Variants in HK1 observed in about 807,000 individuals in gnomAD.
The protein encoded by HK1 is hexokinase 1, also known as hexokinase-1.
HK1 carries 28 observed loss-of-function variants against 91.6 expected under a neutral mutation model. The observed-to-expected ratio is 0.31, with a 90% CI of 0.23 to 0.42. The LOEUF (loss-of-function observed/expected upper bound fraction) is 0.42. HK1 is among the 10% of genes least tolerant of loss of function. The pLI is 1.00. For synonymous variants in HK1, 430 were observed against 468.1 expected (o/e 0.92, Z 1.05); for missense variants, 770 against 1,219.8 (o/e 0.63, Z 5.49).
At chr10:69,279,080 G>A (rs1844606625) in intron 1 of HK1, among the ~76,000 whole-genome samples, 1 of 152,160 alleles carries the variant, frequency 6.6e-6, no homozygotes, top group African/African-American at 2.4e-5. Flanking sequence ...TGTTTTCGTC[G>A]ATGCTATATT....
intron 1 of HK1, among the ~76,000 whole-genome samples, chr10:69,337,272 A>T (rs1198691275): frequency 6.6e-6 from 1 of 152,196 alleles, no homozygotes; most frequent in African/African-American, 2.4e-5. Context: ...GAGCCCTGGA[A>T]TCTAGACCCA....
chr10:69,390,251 A>G (rs1839835756), intron 14 of HK1, among the ~76,000 whole-genome samples: 1 of 152,166 alleles, frequency 6.6e-6, no homozygotes, highest in Non-Finnish European at 1.5e-5. Flanking sequence ...CTTTCTTTCC[A>G]TGAATGGGCT....
chr10:69,270,100 T>G (rs1463077437), exon 1 of HK1: 1 of 152,238 alleles, frequency 6.6e-6, no homozygotes, highest in Non-Finnish European at 1.5e-5. Context: ...CCAGCAACCA[T>G]GCAACAAGGT....
At chr10:69,323,997 GA>G (rs1322963467) in intron 1 of HK1, among the ~76,000 whole-genome samples, 1 of 152,140 alleles carries the variant, frequency 6.6e-6, no homozygotes, top group African/African-American at 2.4e-5. Flanking sequence ...CTGCATCCAG[GA>G]ATCAGTTGTG....
At chr10:69,337,753 C>A (rs1285702013) in intron 1 of HK1, among the ~76,000 whole-genome samples, 1 of 152,142 alleles carries the variant, frequency 6.6e-6, no homozygotes, top group South Asian at 2.1e-4. Context: ...TTCAGTCACG[C>A]CTGCTGTTCT....
intron 4 of HK1, among the ~76,000 whole-genome samples, chr10:69,365,520 A>G (rs1589546244): frequency 6.6e-6 from 1 of 152,270 alleles, no homozygotes; most frequent in East Asian, 1.9e-4. Flanking sequence ...TTCTTTTTTT[A>G]CATGGAAAGA....
At chr10:69,386,749 A>G (rs1839654470) in intron 13 of HK1, 1 of 243,998 alleles carries the variant, frequency 4.1e-6, no homozygotes, top group East Asian at 9.6e-5. Flanking sequence ...ACTGCACTAC[A>G]GCCTGGGCGA....
intron 1 of HK1, among the ~76,000 whole-genome samples, chr10:69,321,803 T>A (rs1391436681): frequency 3.9e-5 from 6 of 152,142 alleles, no homozygotes; most frequent in Non-Finnish European, 8.8e-5. Context: ...GGAACCCCAT[T>A]ATCCAGACGG....
chr10:69,396,499 A>G (rs1840148164), intron 16 of HK1, among the ~76,000 whole-genome samples: 1 of 141,322 alleles, frequency 7.1e-6, no homozygotes, highest in Non-Finnish European at 1.5e-5. Context: ...CTAACTCCAC[A>G]TTCCTCCCTC....
intron 1 of HK1, among the ~76,000 whole-genome samples, chr10:69,329,048 A>G (rs940703495): frequency 1.6e-4 from 25 of 151,628 alleles, no homozygotes; most frequent in African/African-American, 5.6e-4. Context: ...TTGTTTTTCC[A>G]TTTGTCAGTT....
At chr10:69,360,230 G>T (rs1249385229) in intron 3 of HK1, among the ~76,000 whole-genome samples, 185 bp downstream of exon 3, 1 of 152,230 alleles carries the variant, frequency 6.6e-6, no homozygotes, top group Admixed American at 6.5e-5. Flanking sequence ...TGGGGGCCCT[G>T]CTTAAACAGA....
At chr10:69,378,148 G>C (rs950020980) in intron 8 of HK1, among the ~76,000 whole-genome samples, 1 of 152,216 alleles carries the variant, frequency 6.6e-6, no homozygotes, top group Non-Finnish European at 1.5e-5. Flanking sequence ...GGCTGGGAAG[G>C]AAGGGGAGCG....
In HK1 at chr10:69,333,850, C is replaced by A. The variant is rs566856645; in HGVS notation, c.64-9977C>A. Among the ~76,000 whole-genome samples, 3 of 152,268 alleles carry A rather than the reference C, an allele frequency of 2.0e-5. No homozygotes were observed. In the South Asian group the frequency reaches 6.2e-4, roughly 32 times the overall value. ...GATCCTGGCTGGGCGCAGTGGCTCA[C>A]GCCTGTAATCCCAGCACTTTGGGAG... On this transcript the variant is annotated intron_variant, in intron 1 of 17. Transcript: ENST00000359426.
At chr10:69,280,401 G>A (rs557851962) in intron 1 of HK1, among the ~76,000 whole-genome samples, 1 of 152,374 alleles carries the variant, frequency 6.6e-6, no homozygotes, top group Admixed American at 6.5e-5. Flanking sequence ...ACAGGCGTGA[G>A]CCACCACGCC....
At chr10:69,270,761 C>T (rs1564743431) in intron 1 of HK1, among the ~76,000 whole-genome samples, 1 of 152,122 alleles carries the variant, frequency 6.6e-6, no homozygotes. Flanking sequence ...TGTCTTTCTT[C>T]AGAAATCTTT....
chr10:69,346,506 G>T (rs1400963209), intron 2 of HK1, among the ~76,000 whole-genome samples: 2 of 151,458 alleles, frequency 1.3e-5, no homozygotes, highest in African/African-American at 4.9e-5. Context: ...TTCTTTTTTG[G>T]TCATTTTTTT....
intron 2 of HK1, among the ~76,000 whole-genome samples, chr10:69,348,629 G>A (rs1424986521): frequency 1.3e-5 from 2 of 152,176 alleles, no homozygotes; most frequent in African/African-American, 2.4e-5. Context: ...TAGCCAATAT[G>A]GCGAAACCCC....
intron 16 of HK1, among the ~76,000 whole-genome samples, chr10:69,396,393 A>G (rs1840141991): frequency 6.6e-6 from 1 of 152,074 alleles, no homozygotes; most frequent in Admixed American, 6.6e-5. Flanking sequence ...CAGTTCGGTG[A>G]CATTAAGTAC....
chr10:69,371,682 C>T (rs760954528), intron 7 of HK1, among the ~76,000 whole-genome samples: 2 of 152,206 alleles, frequency 1.3e-5, no homozygotes, highest in South Asian at 2.1e-4. Context: ...TTTGGGAACC[C>T]TGCATGGCTT....
Sources: gnomAD v4.1 joint callset for allele counts (sites outside exome capture counted in the v4.1 genomes callset) on GRCh38, gnomAD v4.1.1 for gene constraint, MANE v1.5 for transcripts, NCBI Gene and HGNC (gene_info 2026-07-23, HGNC 2026-07-21) for gene names.